Variants in FAM184B observed in about 807,000 individuals in gnomAD.
FAM184B encodes the protein family with sequence similarity 184 member B.
In FAM184B, 111 loss-of-function variants were observed where a neutral mutation model predicts 135.9. The ratio of observed to expected loss-of-function variants is 0.82; its 90% CI spans 0.70 to 0.96. The LOEUF (loss-of-function observed/expected upper bound fraction) is 0.96, where lower values mean the gene tolerates loss of function less well. FAM184B is among the 40% of genes least tolerant of loss of function. The probability of loss-of-function intolerance (pLI) is 0.00; values close to 1 mark genes in which losing one functional copy is unlikely to be tolerated. For synonymous variants in FAM184B, 552 were observed against 524.8 expected, an observed-to-expected ratio of 1.05 and a Z score of -0.71; for missense variants, 1,375 against 1,323.9, an observed-to-expected ratio of 1.04 and a Z score of -0.60.
intron 12 of FAM184B, among the ~76,000 whole-genome samples, chr4:17,643,500 G>A (rs919309351): frequency 2.6e-5 from 4 of 151,952 alleles, no homozygotes; most frequent in African/African-American, 9.7e-5. Context: ...AGAGCCCTCA[G>A]GTGAACACTG....
rs943061124 is a variant in FAM184B at position 17,630,142 on chromosome 4, G to A, written c.*2390C>T. Reference sequence around the variant, plus strand: ...GCCCAGGGATCATGCTGAGTTTAAGGACAGAAATGCAAAGTGCAGCCTGGG... The same window carrying A: ...GCCCAGGGATCATGCTGAGTTTAAGAACAGAAATGCAAAGTGCAGCCTGGG... On this transcript the variant is annotated 3_prime_UTR_variant, in exon 18 of 18. Transcript: ENST00000265018. 7 of 152,158 alleles carry A rather than the reference G, an allele frequency of 4.6e-5. 1 individual carries two copies. The highest frequency in any genetic ancestry group is 1.3e-4 in the Admixed American group (2 of 15,280). 9.4% of individuals were successfully genotyped at this position (152,158 alleles called of 1,614,324 possible). A position where few individuals can be genotyped will look rare whatever the true frequency, so the allele number is the denominator to read the frequency against.
intron 1 of FAM184B, among the ~76,000 whole-genome samples, chr4:17,780,714 C>T (rs1374050136): frequency 6.6e-6 from 1 of 152,120 alleles, no homozygotes; most frequent in Non-Finnish European, 1.5e-5. Context: ...GCCACGCAAG[C>T]TGCTGGCACT....
intron 14 of FAM184B, among the ~76,000 whole-genome samples, chr4:17,637,014 C>G (rs1394074801): frequency 6.6e-6 from 1 of 152,156 alleles, no homozygotes; most frequent in Non-Finnish European, 1.5e-5. Context: ...CGGCCAGTGG[C>G]CGGTACCTAT....
At chr4:17,732,945 C>T (rs1717820643) in intron 1 of FAM184B, among the ~76,000 whole-genome samples, 1 of 152,188 alleles carries the variant, frequency 6.6e-6, no homozygotes, top group Non-Finnish European at 1.5e-5. Context: ...CAATAAAATA[C>T]TGGCAAACCG....
chr4:17,749,267 A>C (rs544070187), intron 1 of FAM184B, among the ~76,000 whole-genome samples: 3 of 152,224 alleles, frequency 2.0e-5, no homozygotes, highest in South Asian at 4.2e-4. Flanking sequence ...ATTATAAAAA[A>C]GGAGGCCAGA....
intron 1 of FAM184B, among the ~76,000 whole-genome samples, chr4:17,763,292 G>A (rs1225352021): frequency 6.6e-6 from 1 of 152,026 alleles, no homozygotes; most frequent in Non-Finnish European, 1.5e-5. Flanking sequence ...TCAGCAGTGA[G>A]CCACCTCCCA....
chr4:17,652,618 C>A (rs1420361528), intron 11 of FAM184B, among the ~76,000 whole-genome samples: 1 of 149,382 alleles, frequency 6.7e-6, no homozygotes, highest in East Asian at 2.0e-4. Context: ...GAGCCCGAGA[C>A]CCCTGGAGCC....
chr4:17,681,022 A>G (rs2108952573), intron 7 of FAM184B, among the ~76,000 whole-genome samples: 1 of 152,360 alleles, frequency 6.6e-6, no homozygotes, highest in African/African-American at 2.4e-5. Flanking sequence ...AATAGATACT[A>G]TAAAGTCAAC....
At chr4:17,699,761 C>G (rs372372614) in intron 5 of FAM184B, among the ~76,000 whole-genome samples, 1 of 152,024 alleles carries the variant, frequency 6.6e-6, no homozygotes, top group South Asian at 2.1e-4. Context: ...ATGAAGACTG[C>G]AGAAATGGCA....
chr4:17,702,828 C>T (rs898492327), intron 5 of FAM184B, among the ~76,000 whole-genome samples: 4 of 152,176 alleles, frequency 2.6e-5, no homozygotes, highest in Non-Finnish European at 5.9e-5. Flanking sequence ...GAGCATGCTG[C>T]GGTCCCTCCT....
At position 17,632,633 on chromosome 4, in the gene FAM184B, C is replaced by CAAAAAAA. The variant is rs56931270; in HGVS notation, c.3090-15_3090-9dup. The CAAAAAAA allele has an allele frequency of 6.6e-7, 1 of 1,518,610 alleles. No individual in the cohort carries two copies. The highest frequency in any genetic ancestry group is 8.9e-7 in the Non-Finnish European group (1 of 1,123,378). 94.1% of individuals were successfully genotyped at this position (1,518,610 alleles called of 1,614,324 possible). On this transcript the variant is annotated splice_polypyrimidine_tract_variant and intron_variant, in intron 17 of 17. Transcript: ENST00000265018. ...GTTTCACCATCTGGGGTCCTAAAAGCAAAAAAAGGTTTTTTTATATGGTTT... is the reference window on the plus strand; with the variant it reads ...GTTTCACCATCTGGGGTCCTAAAAGCAAAAAAAAAAAAAAGGTTTTTTTATATGGTTT...
chr4:17,632,553 G>C lies in FAM184B; in HGVS notation c.3162C>G (p.Phe1054Leu), dbSNP rs1714987353. Reference protein sequence around the residue: ...QKQGSPHQEWFTKYFSF With the variant: ...QKQGSPHQEWLTKYFSF ...TAGCTTAGAAAGAAAAGTACTTGGT[G>C]AACCATTCCTGGTGCGGAGAGCCCT... Residue 1054 changes from phenylalanine to leucine, a missense_variant, in exon 18 of 18, where the codon TTC becomes TTG. Phe to Leu is a conservative substitution (Grantham distance 22). Transcript: ENST00000265018. 3 of 1,551,282 alleles carry C rather than the reference G, an allele frequency of 1.9e-6. No homozygotes were observed. The highest frequency in any genetic ancestry group is 2.7e-5 in the African/African-American group (2 of 73,162).
At chr4:17,714,383 T>C (rs1042598533) in intron 1 of FAM184B, among the ~76,000 whole-genome samples, 1 of 152,128 alleles carries the variant, frequency 6.6e-6, no homozygotes, top group Non-Finnish European at 1.5e-5. Flanking sequence ...TCTTTTTTCA[T>C]CTGCAAACTT....
chr4:17,711,786 T>C (rs1019164907), intron 1 of FAM184B, among the ~76,000 whole-genome samples: 1 of 151,742 alleles, frequency 6.6e-6, no homozygotes, highest in Non-Finnish European at 1.5e-5. Flanking sequence ...CTCATGGGGA[T>C]AGGATGGAAG....
At chr4:17,745,388 C>T (rs1465287966) in intron 1 of FAM184B, among the ~76,000 whole-genome samples, 5 of 152,164 alleles carry the variant, frequency 3.3e-5, no homozygotes, top group Admixed American at 3.3e-4. Flanking sequence ...AGCTTGATTT[C>T]CCCCTGCCGC....
chr4:17,759,480 T>C (rs1452137551), intron 1 of FAM184B, among the ~76,000 whole-genome samples: 1 of 152,118 alleles, frequency 6.6e-6, no homozygotes, highest in Non-Finnish European at 1.5e-5. Flanking sequence ...ATTACCCAGT[T>C]TCAGGTATGT....
At chr4:17,769,332 C>T (rs1718764828) in intron 1 of FAM184B, among the ~76,000 whole-genome samples, 1 of 152,054 alleles carries the variant, frequency 6.6e-6, no homozygotes. Flanking sequence ...AATTATATCA[C>T]TATACTTATA....
intron 7 of FAM184B, among the ~76,000 whole-genome samples, chr4:17,671,599 G>A (rs1716170092): frequency 6.6e-6 from 1 of 152,084 alleles, no homozygotes; most frequent in Admixed American, 6.6e-5. Context: ...CACCAACACA[G>A]AGAGTCAAAG....
intron 8 of FAM184B, 23 bp from the exon 9 acceptor site, chr4:17,660,110 A>G: frequency 6.5e-7 from 1 of 1,550,262 alleles, no homozygotes; most frequent in Non-Finnish European, 8.7e-7. Context: ...GGATGCCACA[A>G]TCACAAAAGA....
Sources: gnomAD v4.1 joint callset for allele counts (sites outside exome capture counted in the v4.1 genomes callset) on GRCh38, gnomAD v4.1.1 for gene constraint, MANE v1.5 for transcripts, NCBI Gene and HGNC (gene_info 2026-07-23, HGNC 2026-07-21) for gene names.